Variants in DNAJC13 observed in about 807,000 individuals in gnomAD.
DNAJC13 encodes dnaJ homolog subfamily C member 13.
In DNAJC13, 75 loss-of-function variants were observed where a neutral mutation model predicts 290.5. The ratio of observed to expected loss-of-function variants is 0.26; its 90% CI spans 0.21 to 0.31. The LOEUF (loss-of-function observed/expected upper bound fraction) is 0.31. Among genes scored for constraint, DNAJC13 ranks in the 10% least tolerant of loss-of-function variants. The pLI is 1.00. For missense variants in DNAJC13, 2,260 were observed against 2,674.5 expected, an observed-to-expected ratio of 0.85 and a Z score of 3.42; for synonymous variants, 862 against 892.0, an observed-to-expected ratio of 0.97 and a Z score of 0.60.
In DNAJC13 at chr3:132,447,441, C is replaced by A; in HGVS notation, c.265C>A (p.His89Asn). The A allele has an allele frequency of 6.3e-7, 1 of 1,599,158 alleles. No homozygotes were observed. The highest frequency in any genetic ancestry group is 1.1e-5 in the South Asian group (1 of 88,162). ...KSETLKFSTE[H>N]RTELLTEALR... ...AGAAACTTTAAAATTTTCTACAGAG[C>A]ACAGAACAGAACTTCTTACAGAAGC... Residue 89 changes from histidine to asparagine, a missense_variant, in exon 4 of 56, where the codon CAC becomes AAC. Around this residue, in one of 3 missense-constraint regions of DNAJC13, gnomAD observed 762 missense variants for 964.1 expected, o/e 0.79. Coordinates refer to ENST00000260818, the MANE Select transcript of DNAJC13 (RefSeq NM_015268.4).
intron 9 of DNAJC13, among the ~76,000 whole-genome samples, chr3:132,455,712 A>G (rs1933575155): frequency 6.6e-6 from 1 of 152,242 alleles, no homozygotes; most frequent in Admixed American, 6.5e-5. Flanking sequence ...TATGTATGAT[A>G]AGTAAAATAA....
At position 132,528,185 on chromosome 3, in the gene DNAJC13, C is replaced by T. The variant is rs773945980; in HGVS notation, c.6382-4C>T. On this transcript the variant is annotated splice_region_variant and splice_polypyrimidine_tract_variant and intron_variant, in intron 53 of 55. Coordinates refer to ENST00000260818, the MANE Select transcript of DNAJC13 (RefSeq NM_015268.4). ...TGTTTATATATGCTTAATATTTCTT[C>T]TAGGCCCTGAAAGCAGATTTGGTTC... The T allele has an allele frequency of 6.2e-7, 1 of 1,613,664 alleles. No homozygotes were observed. Among genetic ancestry groups the T allele is most frequent in the Non-Finnish European group, 8.5e-7 (1 of 1,179,842 alleles).
rs1259194041 is a variant in DNAJC13, at chr3:132,417,568, G to GGAGGAGGCGGAGGGGGC, written c.-204_-188dup. 6.6e-6 allele frequency: 1 copy of GGAGGAGGCGGAGGGGGC among 152,042 alleles called. No homozygotes were observed. Among genetic ancestry groups the GGAGGAGGCGGAGGGGGC allele is most frequent in the East Asian group, 1.9e-4 (1 of 5,160 alleles). The allele number at this position is 152,042 out of a possible 1,614,324, so 9.4% of individuals were successfully genotyped here. On this transcript the variant is annotated 5_prime_UTR_variant, in exon 1 of 56. Transcript: ENST00000260818. ...CAGAGTGAAACTCTGAGAGGCAGAG[G>GGAGGAGGCGGAGGGGGC]GAGGAGGCGGAGGGGGCGGGGAGGC...
At chr3:132,440,368 A>C (rs1303992985) in intron 2 of DNAJC13, among the ~76,000 whole-genome samples, 1 of 152,276 alleles carries the variant, frequency 6.6e-6, no homozygotes, top group Admixed American at 6.5e-5. Flanking sequence ...CTAGTGGAAT[A>C]ATAGCAATAG....
intron 45 of DNAJC13, 29 bp from the exon 46 acceptor site, chr3:132,514,542 C>A: frequency 6.5e-7 from 1 of 1,532,716 alleles, no homozygotes; most frequent in South Asian, 1.2e-5. Context: ...ATTTCTGAAA[C>A]TTTTACTATC....
At chr3:132,529,883 T>C (rs1226196866) in intron 54 of DNAJC13, among the ~76,000 whole-genome samples, 1 of 152,096 alleles carries the variant, frequency 6.6e-6, no homozygotes, top group Non-Finnish European at 1.5e-5. Context: ...TTAACTGATG[T>C]GTTTTTAGAA....
intron 32 of DNAJC13, among the ~76,000 whole-genome samples, chr3:132,491,955 T>G (rs1451627322): frequency 6.6e-6 from 1 of 152,188 alleles, no homozygotes; most frequent in East Asian, 1.9e-4. Flanking sequence ...CTCCTGAGAT[T>G]GGCAAATATA....
In DNAJC13 at chr3:132,434,572, A is replaced by G; in HGVS notation, c.22A>G (p.Lys8Glu). 2 of 1,612,458 alleles carry G rather than the reference A, an allele frequency of 1.2e-6. No individual in the cohort carries two copies. Among genetic ancestry groups the G allele is most frequent in the Non-Finnish European group, 1.7e-6 (2 of 1,179,334 alleles). Reference sequence around the variant, plus strand: ...CAAAATGAACATAATTAGGGAAAATAAGGATCTGGCATGTTTCTACACAAC... The same window carrying G: ...CAAAATGAACATAATTAGGGAAAATGAGGATCTGGCATGTTTCTACACAAC... The part of the protein sequence containing the change: MNIIREN[K>E]DLACFYTTKH... The change falls in exon 2 of 56, where the codon AAG becomes GAG. Residue 8 changes from lysine (K) to glutamate (E), a missense_variant. Physicochemically the swap from Lys to Glu is moderately conservative, Grantham distance 56. Transcript: ENST00000260818.
At chr3:132,462,015 C>T (rs965136852) in intron 15 of DNAJC13, among the ~76,000 whole-genome samples, 10 of 152,070 alleles carry the variant, frequency 6.6e-5, no homozygotes, top group Non-Finnish European at 1.5e-4. Context: ...GTGAAAAACT[C>T]ATTTTTCTGT....
rs11296948 is a variant in DNAJC13 at position 132,446,756 on chromosome 3, AG to A, written c.144+209del. ...GGAGGGGGAGAATATGCTTATTTCT[AG>A]GGCTCTCAAGGGTATAACTTGATGT... On this transcript the variant is annotated intron_variant, in intron 3 of 55. Transcript: ENST00000260818. Among the ~76,000 whole-genome samples, 152,178 of 152,178 alleles carry A rather than the reference AG, an allele frequency of 1. 76,089 individuals carry two copies. Among genetic ancestry groups the A allele is most frequent in the Non-Finnish European group, 1 (67,924 of 67,924 alleles).
intron 28 of DNAJC13, among the ~76,000 whole-genome samples, chr3:132,484,191 A>G (rs918316449): frequency 1.3e-5 from 2 of 152,254 alleles, no homozygotes; most frequent in East Asian, 1.9e-4. Flanking sequence ...GAAATAAGGT[A>G]GCATTAAAAT....
chr3:132,491,764 C>T (rs934766574), intron 32 of DNAJC13, among the ~76,000 whole-genome samples: 8 of 152,082 alleles, frequency 5.3e-5, no homozygotes, highest in East Asian at 1.9e-4. Context: ...TACTGACCCT[C>T]GTCAGACTGC....
intron 46 of DNAJC13, 136 bp downstream of exon 46, chr3:132,514,806 T>C: frequency 1.5e-6 from 1 of 670,008 alleles, no homozygotes; most frequent in East Asian, 3.0e-5. Flanking sequence ...TAGATTTGTC[T>C]TCCTAATAAT....
chr3:132,476,439 T>C (rs1166115180), intron 22 of DNAJC13, among the ~76,000 whole-genome samples: 1 of 152,230 alleles, frequency 6.6e-6, no homozygotes, highest in Non-Finnish European at 1.5e-5. Flanking sequence ...TGCTTTTAGA[T>C]TGCAACAATG....
intron 53 of DNAJC13, among the ~76,000 whole-genome samples, chr3:132,527,880 G>T (rs981827484): frequency 2.0e-5 from 3 of 152,150 alleles, no homozygotes; most frequent in South Asian, 2.1e-4. Context: ...GGGGCTAAAA[G>T]CTCAGGTTCT....
intron 20 of DNAJC13, chr3:132,472,603 T>A (rs1934322457): frequency 1.0e-6 from 1 of 985,104 alleles, no homozygotes; most frequent in Non-Finnish European, 1.2e-6. Flanking sequence ...GTGTGTGAAA[T>A]GCATTAAGCT....
intron 1 of DNAJC13, among the ~76,000 whole-genome samples, chr3:132,429,121 T>A (rs902014980): frequency 1.3e-5 from 2 of 152,252 alleles, no homozygotes; most frequent in African/African-American, 4.8e-5. Context: ...GGAGACTTAT[T>A]TTTATTTCTT....
rs1250559038 is a variant in DNAJC13, at chr3:132,474,917, T to C, written c.2292-15T>C. On this transcript the variant is annotated splice_polypyrimidine_tract_variant and intron_variant, in intron 21 of 55. Coordinates refer to ENST00000260818, the MANE Select transcript of DNAJC13 (RefSeq NM_015268.4). ...TTAGTGCATCCTGCTATTTCCTCAT[T>C]ATATGTATGTCTAGGTTTGGTCAAG... is the stretch of plus-strand genomic sequence containing the variant. The C allele has an allele frequency of 4.7e-6, 7 of 1,485,280 alleles. No individual in the cohort carries two copies. The African/African-American group carries it at 8.6e-5, about 18-fold the overall frequency. 92.0% of individuals were successfully genotyped at this position (1,485,280 alleles called of 1,614,324 possible).
intron 20 of DNAJC13, among the ~76,000 whole-genome samples, chr3:132,471,028 C>T (rs1934219981): frequency 1.5e-5 from 2 of 137,214 alleles, no homozygotes; most frequent in African/African-American, 5.5e-5. Flanking sequence ...CTGACCCCCC[C>T]ACCTCCCTCC....
Sources: gnomAD v4.1 joint callset for allele counts (sites outside exome capture counted in the v4.1 genomes callset) on GRCh38, gnomAD v4.1.1 for gene constraint, gnomAD v4.1.1 regional missense constraint, MANE v1.5 for transcripts, NCBI Gene and HGNC (gene_info 2026-07-23, HGNC 2026-07-21) for gene names.